The following LBHD2 variants were observed in gnomAD, a reference collection of about 807,000 sequenced individuals.
LBHD2 encodes the protein LBH domain-containing protein 2.
chr14:103,085,338 G>A (rs562347912), intron 1 of LBHD2, among the ~76,000 whole-genome samples: 1 of 152,350 alleles, frequency 6.6e-6, no homozygotes, highest in African/African-American at 2.4e-5. Context: ...CCGAGCGCAG[G>A]TGAAGGGTCT....
chr14:103,085,286 T>G (rs1889618356), intron 1 of LBHD2, among the ~76,000 whole-genome samples: 1 of 152,000 alleles, frequency 6.6e-6, no homozygotes, highest in Non-Finnish European at 1.5e-5. Flanking sequence ...CCACCCCCAT[T>G]TCTACCTCTG....
rs146206386 is a variant in LBHD2, at chr14:103,087,409, A to G, written c.70-676A>G. ...GAGACAGGGAGCTCCAGGCAGGGCC[A>G]TCTGCCCGAGCACAGGCGTGGGGGT... On this transcript the variant is annotated intron_variant, in intron 2 of 3. Transcript: ENST00000634353. 8.4e-3 allele frequency among the ~76,000 whole-genome samples: 1,278 copies of G among 152,344 alleles called. 8 individuals are homozygous for G. Among genetic ancestry groups the G allele is most frequent in the Non-Finnish European group, 0.013 (876 of 68,030 alleles).
At chr14:103,085,100 C>T (rs1319077145) in intron 1 of LBHD2, among the ~76,000 whole-genome samples, 1 of 152,182 alleles carries the variant, frequency 6.6e-6, no homozygotes, top group African/African-American at 2.4e-5. Context: ...CCTCATTTCT[C>T]AGAATAGCAG....
At chr14:103,084,627 C>T (rs963432134) in intron 1 of LBHD2, among the ~76,000 whole-genome samples, 2 of 152,206 alleles carry the variant, frequency 1.3e-5, no homozygotes, top group Admixed American at 1.3e-4. Flanking sequence ...TGCTTGCCTG[C>T]CCCCGCCTGG....
At chr14:103,085,170 G>T (rs752160685) in intron 1 of LBHD2, among the ~76,000 whole-genome samples, 2 of 152,134 alleles carry the variant, frequency 1.3e-5, no homozygotes, top group Non-Finnish European at 2.9e-5. Context: ...GACGTCACAG[G>T]CATTCCATCC....
At chr14:103,086,364 A>C (rs1372039059) in intron 2 of LBHD2, among the ~76,000 whole-genome samples, 2 of 152,174 alleles carry the variant, frequency 1.3e-5, no homozygotes, top group Non-Finnish European at 2.9e-5. Flanking sequence ...GGTGCCCACC[A>C]CTATGCCCAG....
In LBHD2 at chr14:103,085,803, G is replaced by C. The variant is rs985819832; in HGVS notation, c.-37-173G>C. On this transcript the variant is annotated intron_variant, in intron 1 of 3. Transcript: ENST00000634353. ...AGGCACACTGTGCGGCCAGGGTCCA[G>C]TGCCCCCTCTGGCGGCGGGCTCAGG... Among the ~76,000 whole-genome samples, 38 of 152,230 alleles carry C rather than the reference G, an allele frequency of 2.5e-4. 1 individual carries two copies. Among genetic ancestry groups the C allele is most frequent in the Non-Finnish European group, 1.0e-4 (7 of 68,044 alleles).
intron 3 of LBHD2, among the ~76,000 whole-genome samples, chr14:103,089,406 C>T (rs957395602): frequency 1.3e-5 from 2 of 152,064 alleles, no homozygotes; most frequent in African/African-American, 4.8e-5. Context: ...CAGGGACCAC[C>T]ACTCGGGTAA....
At chr14:103,087,978 G>A (rs1408086241) in intron 2 of LBHD2, 107 bp from the exon 3 acceptor site, 4 of 397,792 alleles carry the variant, frequency 1.0e-5, no homozygotes, top group Non-Finnish European at 1.3e-5. Context: ...GGGACTGGGT[G>A]GGAAGGGTCT....
rs1732194187 is a variant in LBHD2, at chr14:103,084,305, C to T, written c.-80C>T. On this transcript the variant is annotated 5_prime_UTR_variant, in exon 1 of 4. Transcript: ENST00000634353. ...TGGCGCAGGGTCGCCCCTCCCCAGC[C>T]TGGCCCCGGCAGTGCGGGCCCCGGG... 1 of 152,240 alleles carries T rather than the reference C, an allele frequency of 6.6e-6. No homozygotes were observed. Among genetic ancestry groups the T allele is most frequent in the Admixed American group, 6.5e-5 (1 of 15,284 alleles). The allele number at this position is 152,240 out of a possible 1,614,324, so 9.4% of individuals were successfully genotyped here.
chr14:103,085,630 G>A (rs1180131866), intron 1 of LBHD2, among the ~76,000 whole-genome samples: 4 of 152,182 alleles, frequency 2.6e-5, no homozygotes, highest in Non-Finnish European at 4.4e-5. Context: ...AGGACACTCC[G>A]TGTCCTTCCT....
At chr14:103,084,727 C>A (rs903069705) in intron 1 of LBHD2, among the ~76,000 whole-genome samples, 8 of 152,180 alleles carry the variant, frequency 5.3e-5, no homozygotes, top group African/African-American at 1.9e-4. Flanking sequence ...CTCTCTCTCT[C>A]TCTCTCTTCT....
intron 3 of LBHD2, among the ~76,000 whole-genome samples, chr14:103,088,800 C>G (rs956144269): frequency 8.5e-5 from 13 of 152,220 alleles, no homozygotes; most frequent in Admixed American, 2.6e-4. Context: ...TCGAGACTAG[C>G]CTGGCCAACA....
chr14:103,085,929 T>C (rs906751120), intron 1 of LBHD2, 47 bp from the exon 2 acceptor site: 9 of 398,248 alleles, frequency 2.3e-5, no homozygotes, highest in Admixed American at 8.8e-5. Flanking sequence ...CGGGGGAGTG[T>C]GGATCCAGCA....
intron 1 of LBHD2, among the ~76,000 whole-genome samples, chr14:103,085,323 A>C (rs369541846): frequency 6.6e-6 from 1 of 151,942 alleles, no homozygotes. Flanking sequence ...AAGAGCCCAC[A>C]CGGCCCGAGC....
chr14:103,086,469 C>T (rs1009918960), intron 2 of LBHD2, among the ~76,000 whole-genome samples: 11 of 152,166 alleles, frequency 7.2e-5, no homozygotes, highest in African/African-American at 2.7e-4. Flanking sequence ...CCTTGGCCTC[C>T]CAAAGTGCTG....
chr14:103,085,026 C>T (rs2139445143), intron 1 of LBHD2, among the ~76,000 whole-genome samples: 1 of 152,298 alleles, frequency 6.6e-6, no homozygotes, highest in Admixed American at 6.5e-5. Flanking sequence ...GTGTGCCCCT[C>T]CTAGCCCTCC....
Position 103,089,679 on chromosome 14 carries a change from G to A in LBHD2, c.227-18G>A, listed in dbSNP as rs1250318204. On this transcript the variant is annotated intron_variant, in intron 3 of 3. Coordinates refer to ENST00000634353, the MANE Select transcript of LBHD2 (RefSeq NM_001330236.2). ...ACTCCCCCCGCCGACCAACACGGCC[G>A]CCTTTATGTTTCTGCAGCCCCCTCG... The A allele has an allele frequency of 2.5e-5, 10 of 398,644 alleles. No homozygotes were observed. Among genetic ancestry groups the A allele is most frequent in the East Asian group, 1.8e-4 (5 of 28,070 alleles). The allele number at this position is 398,644 out of a possible 1,614,324, so 24.7% of individuals were successfully genotyped here. A position where few individuals can be genotyped will look rare whatever the true frequency, so the allele number is the denominator to read the frequency against.
chr14:103,087,192 G>C (rs964366683), intron 2 of LBHD2, among the ~76,000 whole-genome samples: 2 of 152,244 alleles, frequency 1.3e-5, no homozygotes, highest in African/African-American at 4.8e-5. Flanking sequence ...CACACTTGAG[G>C]GTCACATATG....
Sources: gnomAD v4.1 joint callset for allele counts (sites outside exome capture counted in the v4.1 genomes callset) on GRCh38, gnomAD v4.1.1 for gene constraint, MANE v1.5 for transcripts, NCBI Gene and HGNC (gene_info 2026-07-23, HGNC 2026-07-21) for gene names.